The following C10orf90 variants were observed in gnomAD, a reference collection of about 807,000 sequenced individuals.
C10orf90 encodes the protein chromosome 10 open reading frame 90.
A neutral mutation model predicts 62.5 loss-of-function variants in C10orf90; 56 were observed. The observed-to-expected ratio is 0.90, with a 90% CI of 0.72 to 1.12. The LOEUF (loss-of-function observed/expected upper bound fraction) is 1.12, where lower values mean the gene tolerates loss of function less well. C10orf90 is among the 50% of genes most tolerant of loss of function. The pLI is 0.00. For synonymous variants in C10orf90, 386 were observed against 340.4 expected, an observed-to-expected ratio of 1.13 and a Z score of -1.47; for missense variants, 970 against 880.4, an observed-to-expected ratio of 1.10 and a Z score of -1.29.
Position 126,491,380 on chromosome 10 carries a change from T to C in C10orf90, c.1534+12577A>G, listed in dbSNP as rs1208362105. On this transcript the variant is annotated intron_variant, in intron 4 of 9. Transcript: ENST00000488181. ...GACAGAAATCATCTATATCTAATTG[T>C]GGTTAGTTACATAGGTATATACATA... Among the ~76,000 whole-genome samples the C allele has an allele frequency of 3.9e-5, 6 of 152,322 alleles. No homozygotes were observed. In the South Asian group the frequency reaches 1.2e-3, roughly 32 times the overall value.
At chr10:126,433,901 G>A (rs1463158376) in intron 7 of C10orf90, among the ~76,000 whole-genome samples, 1 of 152,128 alleles carries the variant, frequency 6.6e-6, no homozygotes. Flanking sequence ...GATATGGAGG[G>A]AAGAGACTAC....
chr10:126,547,805 A>AG lies in C10orf90; in HGVS notation c.314-33867dup, dbSNP rs774480820. ...GGAAAGAATCAGTGAGCTAGAAGAC[A>AG]GAACAATTGAAATTGCCCAAACTGA... On this transcript the variant is annotated intron_variant, in intron 2 of 9. Coordinates refer to ENST00000488181, the MANE Select transcript of C10orf90 (RefSeq NM_001350921.2). 1.2e-4 allele frequency among the ~76,000 whole-genome samples: 18 copies of AG among 152,298 alleles called. No individual in the cohort carries two copies. In the East Asian group the frequency reaches 2.9e-3, roughly 24 times the overall value.
At chr10:126,533,406 C>T (rs1864155618) in intron 2 of C10orf90, among the ~76,000 whole-genome samples, 1 of 152,230 alleles carries the variant, frequency 6.6e-6, no homozygotes, top group Non-Finnish European at 1.5e-5. Flanking sequence ...TTCCTACGTT[C>T]CTTGAACACA....
chr10:126,642,326 A>T (rs1476853925), intron 2 of C10orf90, among the ~76,000 whole-genome samples: 2 of 152,078 alleles, frequency 1.3e-5, no homozygotes, highest in South Asian at 2.1e-4. Context: ...AGGTCGGGAG[A>T]TCGAGACCAT....
chr10:126,655,992 C>T (rs1338985484), intron 1 of C10orf90, among the ~76,000 whole-genome samples: 2 of 152,008 alleles, frequency 1.3e-5, no homozygotes, highest in Non-Finnish European at 2.9e-5. Context: ...TTCAGCCAGA[C>T]TGACAGAAAG....
At chr10:126,552,150 A>G (rs890616462) in intron 2 of C10orf90, among the ~76,000 whole-genome samples, 1 of 152,198 alleles carries the variant, frequency 6.6e-6, no homozygotes, top group Non-Finnish European at 1.5e-5. Context: ...AGTGTAAAAA[A>G]GCCTCTATAA....
chr10:126,618,790 A>G (rs1044142961), intron 2 of C10orf90, among the ~76,000 whole-genome samples: 3 of 152,160 alleles, frequency 2.0e-5, no homozygotes, highest in Non-Finnish European at 4.4e-5. Flanking sequence ...CCCATCCTCA[A>G]ATTAATCATT....
At chr10:126,650,642 G>C (rs1482623925) in intron 1 of C10orf90, among the ~76,000 whole-genome samples, 1 of 152,210 alleles carries the variant, frequency 6.6e-6, no homozygotes, top group Non-Finnish European at 1.5e-5. Flanking sequence ...AGTACCGTAA[G>C]AAAATCATGA....
chr10:126,518,359 A>G (rs945787505), intron 2 of C10orf90, among the ~76,000 whole-genome samples: 7 of 152,098 alleles, frequency 4.6e-5, no homozygotes, highest in African/African-American at 1.7e-4. Flanking sequence ...CAAGTCCAGC[A>G]GTGCTTGTTG....
At chr10:126,616,357 G>A (rs1367791818) in intron 2 of C10orf90, among the ~76,000 whole-genome samples, 3 of 152,186 alleles carry the variant, frequency 2.0e-5, no homozygotes, top group Admixed American at 1.3e-4. Context: ...AGGGCTCACC[G>A]GAGGATTTGA....
chr10:126,493,805 G>C (rs1407040660), intron 4 of C10orf90, among the ~76,000 whole-genome samples: 2 of 152,224 alleles, frequency 1.3e-5, no homozygotes, highest in Non-Finnish European at 2.9e-5. Flanking sequence ...TGCGCCAACA[G>C]CCATGGTAGG....
At chr10:126,578,480 T>G (rs1595229) in intron 2 of C10orf90, among the ~76,000 whole-genome samples, 1 of 151,962 alleles carries the variant, frequency 6.6e-6, no homozygotes, top group African/African-American at 2.4e-5. Context: ...AGTTGGAAAA[T>G]GCCAAGTGTT....
chr10:126,459,768 C>T (rs1226066282), intron 6 of C10orf90, among the ~76,000 whole-genome samples: 2 of 152,164 alleles, frequency 1.3e-5, no homozygotes, highest in East Asian at 3.9e-4. Flanking sequence ...AAACCTTTGC[C>T]TATACAGAAA....
At chr10:126,442,278 CT>C in intron 7 of C10orf90, among the ~76,000 whole-genome samples, 1 of 151,124 alleles carries the variant, frequency 6.6e-6, no homozygotes, top group Non-Finnish European at 1.5e-5. Flanking sequence ...ACAAAACAAA[CT>C]TTAAAGCAAC....
chr10:126,514,763 C>T (rs1490227918), intron 2 of C10orf90, among the ~76,000 whole-genome samples: 1 of 152,216 alleles, frequency 6.6e-6, no homozygotes, highest in Non-Finnish European at 1.5e-5. Context: ...TCAGCAGCCA[C>T]AGCACCGCCC....
rs1211207424 is a variant in C10orf90 at position 126,456,984 on chromosome 10, G to A, written c.2188+2056C>T. On this transcript the variant is annotated intron_variant, in intron 7 of 9. Transcript: ENST00000488181. This position sits in a 1 kb window ranked among gnomAD's most constrained non-coding sequence, Gnocchi z 4.9. The stretch of plus-strand genomic sequence containing the variant: ...CTGGGCTTGTTTTGTTTTTGTTTTT[G>A]CTTTTGTATTTTGCTTTTTCTGAGA... Among the ~76,000 whole-genome samples the A allele has an allele frequency of 6.6e-6, 1 of 151,996 alleles. No individual in the cohort carries two copies. The highest frequency in any genetic ancestry group is 1.9e-4 in the East Asian group (1 of 5,180).
Position 126,605,907 on chromosome 10 carries a change from A to G in C10orf90, c.313+40658T>C, listed in dbSNP as rs74158847. On this transcript the variant is annotated intron_variant, in intron 2 of 9. Transcript: ENST00000488181. ...TACATACATACATACATACATACAT[A>G]CATACATTTGATTGCAGCACTAAAA... is the stretch of plus-strand genomic sequence containing the variant. Among the ~76,000 whole-genome samples the G allele has an allele frequency of 3.3e-3, 505 of 151,950 alleles. 3 individuals are homozygous for G. The highest frequency in any genetic ancestry group is 0.012 in the African/African-American group (493 of 41,288).
chr10:126,653,688 A>T (rs1305993217), intron 1 of C10orf90, among the ~76,000 whole-genome samples: 1 of 152,188 alleles, frequency 6.6e-6, no homozygotes, highest in Admixed American at 6.5e-5. Context: ...ACGGATCATG[A>T]ATGTTCCTAA....
At chr10:126,497,799 A>T (rs1179164466) in intron 4 of C10orf90, among the ~76,000 whole-genome samples, 1 of 152,216 alleles carries the variant, frequency 6.6e-6, no homozygotes, top group Non-Finnish European at 1.5e-5. Context: ...AGAACAATGC[A>T]TAACTAAATT....
Sources: gnomAD v4.1 joint callset for allele counts (sites outside exome capture counted in the v4.1 genomes callset) on GRCh38, gnomAD v4.1.1 for gene constraint, Gnocchi (gnomAD v3.1) non-coding constraint, MANE v1.5 for transcripts, NCBI Gene and HGNC (gene_info 2026-07-23, HGNC 2026-07-21) for gene names.